QTMAN: variants seen among roughly 807,000 people sequenced by gnomAD.
The protein encoded by QTMAN is tRNA-queuosine alpha-mannosyltransferase.
the QTMAN span, among the ~76,000 whole-genome samples, chr2:144,180,411 A>T: frequency 1.3e-5 from 2 of 152,146 alleles, no homozygotes; most frequent in Non-Finnish European, 2.9e-5. Context: ...GCTTTGTAAA[A>T]ATATTTCTCC....
the QTMAN span, among the ~76,000 whole-genome samples, chr2:144,252,622 T>C: frequency 2.6e-5 from 4 of 152,154 alleles, no homozygotes; most frequent in South Asian, 2.1e-4. Context: ...AAAAAGAACA[T>C]TGCTCACCAC....
the QTMAN span, among the ~76,000 whole-genome samples, chr2:144,017,695 A>T: frequency 6.6e-6 from 1 of 152,202 alleles, no homozygotes; most frequent in Non-Finnish European, 1.5e-5. Flanking sequence ...GTTGCTTGGC[A>T]CATATTAAGA....
At chr2:144,133,471 T>TATTATATATATTATATATATTATATA in the QTMAN span, among the ~76,000 whole-genome samples, 1 of 65,954 alleles carries the variant, frequency 1.5e-5, no homozygotes, top group African/African-American at 6.2e-5. Context: ...ATATTATATA[T>TATTATATATATTATATATATTATATA]TATATAATAT....
the QTMAN span, among the ~76,000 whole-genome samples, chr2:144,026,540 A>G: frequency 6.6e-6 from 1 of 152,218 alleles, no homozygotes; most frequent in Non-Finnish European, 1.5e-5. Flanking sequence ...ACTGTAAGAA[A>G]TATTTGTAAC....
the QTMAN span, among the ~76,000 whole-genome samples, chr2:143,987,872 C>T: frequency 5.1e-3 from 775 of 152,254 alleles, 2 homozygotes; most frequent in Middle Eastern, 0.01. Flanking sequence ...TCCTAACCCT[C>T]CCAACTTCCC....
chr2:144,003,109 G>C, the QTMAN span, among the ~76,000 whole-genome samples: 703 of 151,934 alleles, frequency 4.6e-3, 6 homozygotes, highest in African/African-American at 0.016. Flanking sequence ...AGGCTATAAT[G>C]TAGATTTTAA....
chr2:144,213,520 C>T, the QTMAN span, among the ~76,000 whole-genome samples: 1 of 151,970 alleles, frequency 6.6e-6, no homozygotes, highest in East Asian at 1.9e-4. Flanking sequence ...AACCAAACAC[C>T]CAGTAATAAT....
At chr2:144,112,468 C>G in the QTMAN span, among the ~76,000 whole-genome samples, 1 of 152,198 alleles carries the variant, frequency 6.6e-6, no homozygotes, top group African/African-American at 2.4e-5. Context: ...AGTCAGCAAC[C>G]TGGAAACATC....
At chr2:143,976,142 T>C in the QTMAN span, among the ~76,000 whole-genome samples, 5 of 152,262 alleles carry the variant, frequency 3.3e-5, no homozygotes, top group East Asian at 1.9e-4. Flanking sequence ...TGAAATTACA[T>C]CTAATCCTAT....
At chr2:144,049,020 A>G in the QTMAN span, among the ~76,000 whole-genome samples, 2 of 152,158 alleles carry the variant, frequency 1.3e-5, no homozygotes, top group Non-Finnish European at 2.9e-5. Flanking sequence ...TAAACTTGTA[A>G]AAACAGTGTA....
chr2:144,184,407 CT>C, the QTMAN span, among the ~76,000 whole-genome samples: 1 of 152,018 alleles, frequency 6.6e-6, no homozygotes, highest in Admixed American at 6.6e-5. Context: ...CTCATAATTC[CT>C]TAAGTGTCAG....
chr2:144,176,036 T>C, the QTMAN span, among the ~76,000 whole-genome samples: 2 of 152,200 alleles, frequency 1.3e-5, no homozygotes, highest in African/African-American at 2.4e-5. Context: ...ATTATTTTAT[T>C]GTTATAAAGT....
the QTMAN span, among the ~76,000 whole-genome samples, chr2:143,951,543 C>A: frequency 3.3e-5 from 5 of 151,414 alleles, no homozygotes; most frequent in Non-Finnish European, 7.4e-5. Flanking sequence ...TCAAGTAGTT[C>A]AAAAATGAAC....
chr2:144,153,668 G>A, the QTMAN span, among the ~76,000 whole-genome samples: 14 of 152,178 alleles, frequency 9.2e-5, no homozygotes, highest in Admixed American at 8.5e-4. Context: ...TCCAGCCTGG[G>A]CGACAGAGAG....
At chr2:143,970,845 T>A in the QTMAN span, 1 of 764,140 alleles carries the variant, frequency 1.3e-6, no homozygotes, top group Non-Finnish European at 2.3e-6. Context: ...ACAGTATCAA[T>A]TTTTTTCATG....
the QTMAN span, among the ~76,000 whole-genome samples, chr2:143,953,595 T>A: frequency 6.6e-6 from 1 of 151,800 alleles, no homozygotes; most frequent in Non-Finnish European, 1.5e-5. Context: ...AGTAGAAGGG[T>A]TAAGCAGAAG....
the QTMAN span, among the ~76,000 whole-genome samples, chr2:144,055,348 C>CACAT: frequency 1.3e-5 from 2 of 151,260 alleles, no homozygotes; most frequent in Admixed American, 1.3e-4. Context: ...CACACACACA[C>CACAT]ACACACACAC....
the QTMAN span, among the ~76,000 whole-genome samples, chr2:144,097,241 A>G: frequency 6.6e-6 from 1 of 152,222 alleles, no homozygotes; most frequent in Non-Finnish European, 1.5e-5. Context: ...ATTTACTTCG[A>G]ATTCCAATAC....
the QTMAN span, among the ~76,000 whole-genome samples, chr2:144,104,997 A>G: frequency 1 from 151,653 of 152,340 alleles, 75,490 homozygotes; most frequent in East Asian, 1. Context: ...AGGCAAACAG[A>G]GTCTGGAGTG....
Sources: allele counts gnomAD v4.1 joint callset (sites outside exome capture counted in the v4.1 genomes callset), GRCh38; gene constraint gnomAD v4.1.1; transcripts MANE v1.5; gene names NCBI Gene and HGNC (gene_info 2026-07-23, HGNC 2026-07-21).